Variants in STAC observed in about 807,000 individuals in gnomAD.
The protein encoded by STAC is SH3 and cysteine rich domain.
In STAC, 43 loss-of-function variants were observed where a neutral mutation model predicts 48.8. The ratio of observed to expected loss-of-function variants is 0.88; its 90% CI spans 0.69 to 1.14. STAC has a LOEUF of 1.14. STAC is among the 50% of genes most tolerant of loss of function. STAC has a pLI of 0.00. For synonymous variants in STAC, 193 were observed against 179.5 expected (o/e 1.07, Z -0.60); for missense variants, 497 against 504.0 (o/e 0.99, Z 0.13).
chr3:36,403,355 A>G (rs918372974), intron 1 of STAC, among the ~76,000 whole-genome samples: 1 of 152,218 alleles, frequency 6.6e-6, no homozygotes, highest in Non-Finnish European at 1.5e-5. Flanking sequence ...TTGAAAGTTG[A>G]CACAGGTCAA....
chr3:36,454,086 TG>T (rs1696777062), intron 2 of STAC, among the ~76,000 whole-genome samples: 2 of 152,256 alleles, frequency 1.3e-5, no homozygotes, highest in East Asian at 3.9e-4. Context: ...CAGCAGGATG[TG>T]GGTGGGGCCA....
chr3:36,517,418 C>A (rs1006631864), intron 8 of STAC, among the ~76,000 whole-genome samples: 1 of 152,152 alleles, frequency 6.6e-6, no homozygotes, highest in African/African-American at 2.4e-5. Flanking sequence ...GGGAGGCCAA[C>A]GCAGGTGTAT....
In STAC at chr3:36,409,646, T is replaced by C. The variant is rs568628515; in HGVS notation, c.111+28892T>C. ...GCACAGTGACACTGACTTGAAGATATCTTGTATCCACTCCATCCATCCACG... is the reference window on the plus strand; with the variant it reads ...GCACAGTGACACTGACTTGAAGATACCTTGTATCCACTCCATCCATCCACG... On this transcript the variant is annotated intron_variant, in intron 1 of 10. Coordinates refer to ENST00000273183, the MANE Select transcript of STAC (RefSeq NM_003149.3). 5 of 152,268 alleles carry C rather than the reference T, an allele frequency of 3.3e-5. No homozygotes were observed. In the South Asian group the frequency reaches 1.0e-3, roughly 32 times the overall value. The allele number at this position is 152,268 out of a possible 1,614,324, so 9.4% of individuals were successfully genotyped here. A position where few individuals can be genotyped will look rare whatever the true frequency, so the allele number is the denominator to read the frequency against.
At chr3:36,421,827 C>G (rs1315968691) in intron 1 of STAC, among the ~76,000 whole-genome samples, 3 of 152,066 alleles carry the variant, frequency 2.0e-5, no homozygotes, top group African/African-American at 7.2e-5. Flanking sequence ...TCAAATTTTA[C>G]TATGCCATTA....
intron 10 of STAC, among the ~76,000 whole-genome samples, chr3:36,538,232 C>A (rs1699243592): frequency 1.3e-5 from 2 of 152,084 alleles, no homozygotes; most frequent in South Asian, 2.1e-4. Flanking sequence ...TAGAACATAG[C>A]TAAATTTATT....
chr3:36,539,676 T>C (rs1290561041), intron 10 of STAC, among the ~76,000 whole-genome samples: 1 of 152,108 alleles, frequency 6.6e-6, no homozygotes, highest in African/African-American at 2.4e-5. Flanking sequence ...ATGTTTTCTT[T>C]GTGTCTCATT....
At chr3:36,415,662 G>A (rs539180700) in intron 1 of STAC, among the ~76,000 whole-genome samples, 50 of 152,274 alleles carry the variant, frequency 3.3e-4, no homozygotes, top group South Asian at 4.1e-4. Context: ...AGAGGAACCC[G>A]GTACCTCAGT....
intron 1 of STAC, among the ~76,000 whole-genome samples, chr3:36,431,617 A>C (rs1220606355): frequency 2.0e-5 from 3 of 152,202 alleles, no homozygotes; most frequent in African/African-American, 7.2e-5. Flanking sequence ...CCTGAAAAGG[A>C]GGCCTCTTGC....
chr3:36,509,192 A>C (rs1288642741), intron 8 of STAC, among the ~76,000 whole-genome samples: 1 of 152,158 alleles, frequency 6.6e-6, no homozygotes, highest in Non-Finnish European at 1.5e-5. Context: ...GTTTGGCTGG[A>C]TATAAAATTC....
intron 10 of STAC, among the ~76,000 whole-genome samples, chr3:36,545,760 C>T (rs1699430304): frequency 6.6e-6 from 1 of 152,136 alleles, no homozygotes; most frequent in Admixed American, 6.5e-5. Context: ...ATATGAGGTG[C>T]ATATAAAATT....
intron 1 of STAC, among the ~76,000 whole-genome samples, chr3:36,437,727 T>G (rs112252143): frequency 0.21 from 30,984 of 150,560 alleles, 3,384 homozygotes; most frequent in Admixed American, 0.24. Flanking sequence ...TGTATACATA[T>G]GTAACTAACC....
intron 2 of STAC, among the ~76,000 whole-genome samples, chr3:36,477,877 A>C (rs1459670596): frequency 6.6e-6 from 1 of 152,210 alleles, no homozygotes; most frequent in East Asian, 1.9e-4. Flanking sequence ...AAAGAGCCAC[A>C]TCATTCCAAG....
intron 2 of STAC, among the ~76,000 whole-genome samples, chr3:36,478,573 C>A (rs1363604412): frequency 6.6e-6 from 1 of 152,186 alleles, no homozygotes; most frequent in Non-Finnish European, 1.5e-5. Flanking sequence ...CAGCTCACTG[C>A]AGCCTCTGTC....
chr3:36,407,955 G>A (rs1333974361), intron 1 of STAC, among the ~76,000 whole-genome samples: 1 of 152,164 alleles, frequency 6.6e-6, no homozygotes, highest in Non-Finnish European at 1.5e-5. Context: ...TCACTTCCTT[G>A]CAGCTGTATG....
chr3:36,474,231 G>A, intron 2 of STAC, among the ~76,000 whole-genome samples: 1 of 152,204 alleles, frequency 6.6e-6, no homozygotes. Context: ...AATGTGATGA[G>A]AATCACATTT....
At chr3:36,529,816 G>C (rs1699022089) in intron 10 of STAC, among the ~76,000 whole-genome samples, 1 of 151,906 alleles carries the variant, frequency 6.6e-6, no homozygotes, top group South Asian at 2.1e-4. Flanking sequence ...TCACTACAGA[G>C]TAAAATAATA....
chr3:36,420,450 G>C (rs559672400), intron 1 of STAC, among the ~76,000 whole-genome samples: 2 of 152,154 alleles, frequency 1.3e-5, no homozygotes, highest in Non-Finnish European at 2.9e-5. Context: ...GTTAGGAACC[G>C]GGCTACACAG....
chr3:36,546,148 C>T lies in STAC; in HGVS notation c.1111-43C>T, dbSNP rs370020534. ...GCTGCAGGTTCTAACTTCGTTCTTGCTGACAGTAAAGTATTTTGTTTTTTT... is the reference window on the plus strand; with the variant it reads ...GCTGCAGGTTCTAACTTCGTTCTTGTTGACAGTAAAGTATTTTGTTTTTTT... On this transcript the variant is annotated intron_variant, in intron 10 of 10. Transcript: ENST00000273183. 6.4e-5 allele frequency: 100 copies of T among 1,554,604 alleles called. 2 individuals carry two copies. The South Asian group carries it at 1.1e-3, about 17-fold the overall frequency.
intron 7 of STAC, 151 bp from the exon 8 acceptor site, chr3:36,505,595 G>C: frequency 2.0e-6 from 1 of 508,522 alleles, no homozygotes; most frequent in South Asian, 3.6e-5. Flanking sequence ...ATGCAAAGTT[G>C]ACAGAAAATC....
Sources: gnomAD v4.1 joint callset for allele counts (sites outside exome capture counted in the v4.1 genomes callset) on GRCh38, gnomAD v4.1.1 for gene constraint, MANE v1.5 for transcripts, NCBI Gene and HGNC (gene_info 2026-07-23, HGNC 2026-07-21) for gene names.